Variants in TBCEL observed in about 807,000 individuals in gnomAD.
TBCEL encodes tubulin-specific chaperone cofactor E-like protein.
In TBCEL, 15 loss-of-function variants were observed where a neutral mutation model predicts 44.2. That is an observed-to-expected ratio of 0.34 (90% CI 0.23 to 0.52). TBCEL has a LOEUF of 0.52. Among genes scored for constraint, TBCEL ranks in the 20% least tolerant of loss-of-function variants. The probability of loss-of-function intolerance (pLI) is 0.95; values close to 1 mark genes in which losing one functional copy is unlikely to be tolerated. For synonymous variants in TBCEL, 171 were observed against 185.4 expected, an observed-to-expected ratio of 0.92 and a Z score of 0.63; for missense variants, 319 against 506.3, an observed-to-expected ratio of 0.63 and a Z score of 3.55.
chr11:121,059,581 TG>T (rs1218350142), intron 7 of TBCEL, among the ~76,000 whole-genome samples: 2 of 152,050 alleles, frequency 1.3e-5, no homozygotes, highest in African/African-American at 4.8e-5. Context: ...TTATATATTC[TG>T]GATACATTGG....
At chr11:121,072,317 G>A (rs1945949767) in intron 8 of TBCEL, among the ~76,000 whole-genome samples, 3 of 152,120 alleles carry the variant, frequency 2.0e-5, no homozygotes, top group African/African-American at 4.8e-5. Context: ...AGGGCAAGGG[G>A]CCAGTTTTAT....
intron 5 of TBCEL, 147 bp from the exon 6 acceptor site, chr11:121,054,905 A>AGG: frequency 6.3e-6 from 5 of 798,992 alleles, no homozygotes; most frequent in Non-Finnish European, 8.7e-6. Flanking sequence ...TTTGAACTTC[A>AGG]GGAAGACATC....
intron 1 of TBCEL, among the ~76,000 whole-genome samples, chr11:121,033,264 A>G (rs1945174931): frequency 2.0e-5 from 3 of 152,220 alleles, no homozygotes; most frequent in African/African-American, 7.2e-5. Context: ...CTTTTATTAT[A>G]TGAGAATTGT....
chr11:121,058,574 C>G, intron 7 of TBCEL, 103 bp downstream of exon 7: 1 of 1,451,384 alleles, frequency 6.9e-7, no homozygotes, highest in South Asian at 1.2e-5. Context: ...ATTATTCATC[C>G]TTTGAGCAGA....
In TBCEL at chr11:121,087,421, G is replaced by A. The variant is rs1946235458; in HGVS notation, c.*325G>A. 1 of 304,840 alleles carries A rather than the reference G, an allele frequency of 3.3e-6. No individual in the cohort carries two copies. The highest frequency in any genetic ancestry group is 3.9e-5 in the South Asian group (1 of 25,642). 18.9% of individuals were successfully genotyped at this position (304,840 alleles called of 1,614,324 possible). On this transcript the variant is annotated 3_prime_UTR_variant, in exon 9 of 9. Coordinates refer to ENST00000683345, the MANE Select transcript of TBCEL (RefSeq NM_001363644.2). ...GCCACTTGGTTATCATTACTGTTGG[G>A]TGAACCTGTGAAGATAACATGAACA...
chr11:121,035,773 CCT>C (rs1400069956), intron 1 of TBCEL: 1 of 152,054 alleles, frequency 6.6e-6, no homozygotes, highest in Non-Finnish European at 1.5e-5. Flanking sequence ...TCTGATGAAA[CCT>C]AATGTATTCA....
rs549294309 is a variant in TBCEL, at chr11:121,051,335, A to G, written c.274-2216A>G. Reference sequence around the variant, plus strand: ...TTTTTAAAGCGTTTTCCTCTTTATTATAAAAATAAAATATGAGTGGTAGTA... The same window carrying G: ...TTTTTAAAGCGTTTTCCTCTTTATTGTAAAAATAAAATATGAGTGGTAGTA... On this transcript the variant is annotated intron_variant, in intron 4 of 8. Transcript: ENST00000683345. Among the ~76,000 whole-genome samples the G allele has an allele frequency of 4.0e-5, 6 of 151,882 alleles. No homozygotes were observed. In the South Asian group the frequency reaches 8.3e-4, roughly 21 times the overall value.
chr11:121,027,528 A>C (rs930825765), intron 1 of TBCEL, among the ~76,000 whole-genome samples: 19 of 152,114 alleles, frequency 1.2e-4, no homozygotes, highest in Admixed American at 1.2e-3. Flanking sequence ...GACTTCCTCT[A>C]CTTTTTTTCT....
intron 8 of TBCEL, among the ~76,000 whole-genome samples, chr11:121,068,059 T>TA (rs761795907): frequency 3.2e-4 from 48 of 152,294 alleles, no homozygotes; most frequent in Non-Finnish European, 2.9e-4. Flanking sequence ...CACACACTTT[T>TA]AGCCAGTCCC....
chr11:121,084,226 A>G (rs1259320355), intron 8 of TBCEL, among the ~76,000 whole-genome samples: 2 of 152,190 alleles, frequency 1.3e-5, no homozygotes, highest in African/African-American at 2.4e-5. Flanking sequence ...TAGGTTAGGT[A>G]TAATAATTTT....
At chr11:121,036,266 C>T (rs572758081) in intron 1 of TBCEL, 1 of 152,086 alleles carries the variant, frequency 6.6e-6, no homozygotes, top group South Asian at 2.1e-4. Context: ...ATAAATGCAA[C>T]TTGAAAGCCT....
At chr11:121,078,318 T>G (rs762628534) in intron 8 of TBCEL, among the ~76,000 whole-genome samples, 2 of 152,206 alleles carry the variant, frequency 1.3e-5, no homozygotes, top group Admixed American at 1.3e-4. Context: ...TAGATACATA[T>G]GCATTTTGGA....
intron 1 of TBCEL, among the ~76,000 whole-genome samples, chr11:121,035,030 T>G (rs555981980): frequency 2.0e-5 from 3 of 152,314 alleles, no homozygotes; most frequent in Non-Finnish European, 4.4e-5. Flanking sequence ...GCATAGTCCT[T>G]GGACCTAAAA....
chr11:121,073,360 CA>C (rs749816382), intron 8 of TBCEL, among the ~76,000 whole-genome samples: 59 of 151,772 alleles, frequency 3.9e-4, no homozygotes, highest in Middle Eastern at 3.4e-3. Flanking sequence ...AAGGCCTTTG[CA>C]TTTTTGTTAA....
chr11:121,053,173 G>A (rs755157720), intron 4 of TBCEL, among the ~76,000 whole-genome samples: 5 of 151,820 alleles, frequency 3.3e-5, no homozygotes, highest in Admixed American at 6.6e-5. Context: ...GGAGATATTC[G>A]AAGAGGATTA....
chr11:121,032,074 T>C (rs1237332617), intron 1 of TBCEL, among the ~76,000 whole-genome samples: 1 of 152,234 alleles, frequency 6.6e-6, no homozygotes, highest in Non-Finnish European at 1.5e-5. Context: ...AAATAACTTA[T>C]TTTTTTCTCA....
chr11:121,027,609 T>A (rs1377533005), intron 1 of TBCEL, among the ~76,000 whole-genome samples: 1 of 152,194 alleles, frequency 6.6e-6, no homozygotes, highest in African/African-American at 2.4e-5. Flanking sequence ...CCTTCCTTTG[T>A]GTGTAAAATT....
intron 4 of TBCEL, chr11:121,047,906 G>A (rs1945458911): frequency 3.0e-6 from 1 of 328,028 alleles, no homozygotes. Flanking sequence ...GACCAGTCTG[G>A]GCAACATAGC....
intron 1 of TBCEL, among the ~76,000 whole-genome samples, chr11:121,026,863 G>A (rs557102882): frequency 1.3e-5 from 2 of 152,230 alleles, no homozygotes; most frequent in South Asian, 4.2e-4. Context: ...ATATGTACTT[G>A]TCAATAAACA....
Sources: allele counts gnomAD v4.1 joint callset (sites outside exome capture counted in the v4.1 genomes callset), GRCh38; gene constraint gnomAD v4.1.1; transcripts MANE v1.5; gene names NCBI Gene and HGNC (gene_info 2026-07-23, HGNC 2026-07-21).